WWOX: variants seen among roughly 807,000 people sequenced by gnomAD.
WWOX encodes the protein WW domain-containing oxidoreductase.
In WWOX, 69 loss-of-function variants were observed where a neutral mutation model predicts 46.2. The ratio of observed to expected loss-of-function variants is 1.49; its 90% CI spans 1.23 to 1.82. WWOX has a LOEUF of 1.82. WWOX is among the 40% of genes most tolerant of loss of function. The pLI, the probability that WWOX is intolerant of heterozygous loss-of-function variation, is 0.00. For synonymous variants in WWOX, 359 were observed against 202.6 expected, an observed-to-expected ratio of 1.77 and a Z score of -6.56; for missense variants, 919 against 542.6, an observed-to-expected ratio of 1.69 and a Z score of -6.89.
intron 8 of WWOX, among the ~76,000 whole-genome samples, chr16:78,987,407 G>C (rs538410143): frequency 6.6e-6 from 1 of 152,176 alleles, no homozygotes; most frequent in African/African-American, 2.4e-5. Flanking sequence ...TTTCAAGTTT[G>C]TTCATGCTGG....
intron 8 of WWOX, among the ~76,000 whole-genome samples, chr16:79,011,157 AC>A (rs1328427084): frequency 6.6e-6 from 1 of 151,434 alleles, no homozygotes; most frequent in African/African-American, 2.4e-5. Context: ...ACACACACAC[AC>A]ACACACACAC....
intron 8 of WWOX, among the ~76,000 whole-genome samples, chr16:78,649,584 C>T (rs115182516): frequency 0.014 from 2,114 of 152,280 alleles, 52 homozygotes; most frequent in African/African-American, 0.048. Flanking sequence ...GCTCTTCCCC[C>T]GTTTGTTAAT....
chr16:78,328,208 T>C (rs1264131393), intron 5 of WWOX, among the ~76,000 whole-genome samples: 1 of 151,558 alleles, frequency 6.6e-6, no homozygotes, highest in Non-Finnish European at 1.5e-5. Context: ...CCCTTACCTG[T>C]AACTCAAATT....
chr16:78,397,600 A>C (rs1407233753), intron 6 of WWOX, among the ~76,000 whole-genome samples: 1 of 152,210 alleles, frequency 6.6e-6, no homozygotes, highest in African/African-American at 2.4e-5. Flanking sequence ...CTCATTTGGG[A>C]AATATACCAT....
intron 8 of WWOX, among the ~76,000 whole-genome samples, chr16:78,646,721 G>A (rs925769996): frequency 5.3e-5 from 8 of 152,236 alleles, no homozygotes; most frequent in East Asian, 1.9e-4. Flanking sequence ...TGTGCCTGGC[G>A]TATATATTTT....
intron 8 of WWOX, among the ~76,000 whole-genome samples, chr16:78,731,209 A>G (rs1253470969): frequency 6.6e-6 from 1 of 152,128 alleles, no homozygotes; most frequent in Non-Finnish European, 1.5e-5. Flanking sequence ...TATCTGTATT[A>G]ATTAAAGACA....
At chr16:78,915,726 CCGT>C (rs1490891816) in intron 8 of WWOX, among the ~76,000 whole-genome samples, 1 of 152,140 alleles carries the variant, frequency 6.6e-6, no homozygotes, top group Non-Finnish European at 1.5e-5. Context: ...AGTTCTCATC[CCGT>C]CATCTGCCTT....
intron 4 of WWOX, among the ~76,000 whole-genome samples, chr16:78,117,948 G>A (rs538432010): frequency 8.5e-5 from 13 of 152,048 alleles, no homozygotes; most frequent in African/African-American, 2.9e-4. Flanking sequence ...TTTGAAAGTG[G>A]TGACTCCACA....
In WWOX at chr16:78,879,668, G is replaced by A. The variant is rs532143430; in HGVS notation, c.1057-331940G>A. ...CGAGGCAGGCGGATCACCTAAGGTC[G>A]GGAGTTCGAGACCAGTCTGATCAAC... On this transcript the variant is annotated intron_variant, in intron 8 of 8. Coordinates refer to ENST00000566780, the MANE Select transcript of WWOX (RefSeq NM_016373.4). Among the ~76,000 whole-genome samples the A allele has an allele frequency of 1.0e-3, 159 of 152,158 alleles. 1 individual carries two copies. Among genetic ancestry groups the A allele is most frequent in the African/African-American group, 3.6e-3 (151 of 41,534 alleles).
chr16:78,625,997 T>C (rs1343380538), intron 8 of WWOX, among the ~76,000 whole-genome samples: 1 of 151,756 alleles, frequency 6.6e-6, no homozygotes, highest in Non-Finnish European at 1.5e-5. Flanking sequence ...CTAATATTGT[T>C]ATTACTTTTT....
intron 8 of WWOX, among the ~76,000 whole-genome samples, chr16:78,629,431 C>G (rs1433770267): frequency 1.3e-5 from 2 of 152,128 alleles, no homozygotes; most frequent in African/African-American, 2.4e-5. Context: ...TCTTGAAATC[C>G]CTTCTTCAGG....
chr16:78,154,524 C>A (rs1197896138), intron 4 of WWOX, among the ~76,000 whole-genome samples: 1 of 85,344 alleles, frequency 1.2e-5, no homozygotes, highest in Non-Finnish European at 2.2e-5. Flanking sequence ...AAGCACCCTG[C>A]CTTTTTGCTT....
rs563378245 is a variant in WWOX at position 79,202,095 on chromosome 16, G to T, written c.1057-9513G>T. ...TAAAGTTTTATTGGAATACAGACACGTTCATTTGGGTAGACGTTGTCGATG... is the reference window on the plus strand; with the variant it reads ...TAAAGTTTTATTGGAATACAGACACTTTCATTTGGGTAGACGTTGTCGATG... On this transcript the variant is annotated intron_variant, in intron 8 of 8. Coordinates refer to ENST00000566780, the MANE Select transcript of WWOX (RefSeq NM_016373.4). Among the ~76,000 whole-genome samples the T allele has an allele frequency of 3.9e-5, 6 of 152,202 alleles. No homozygotes were observed. In the South Asian group the frequency reaches 1.2e-3, roughly 32 times the overall value.
chr16:78,124,073 C>G (rs2033250256), intron 4 of WWOX: 1 of 151,838 alleles, frequency 6.6e-6, no homozygotes, highest in Non-Finnish European at 1.5e-5. Context: ...GAAATTTGGC[C>G]CAGAAAGGAA....
intron 8 of WWOX, among the ~76,000 whole-genome samples, chr16:78,635,630 T>C (rs1270913853): frequency 2.6e-5 from 4 of 152,140 alleles, no homozygotes; most frequent in Non-Finnish European, 5.9e-5. Flanking sequence ...GTTGAGAGGA[T>C]GAAGTGCTAA....
At chr16:78,674,275 C>G (rs544610265) in intron 8 of WWOX, among the ~76,000 whole-genome samples, 1 of 123,650 alleles carries the variant, frequency 8.1e-6, no homozygotes, top group African/African-American at 2.9e-5. Context: ...CCAACCAGTT[C>G]ATCTTTTTTT....
intron 8 of WWOX, among the ~76,000 whole-genome samples, chr16:78,754,472 C>T (rs1183858370): frequency 1.3e-5 from 2 of 152,132 alleles, no homozygotes; most frequent in Admixed American, 6.5e-5. Context: ...TCTCTTAGTA[C>T]CTACCGCTTT....
At chr16:78,731,649 A>C (rs1233504241) in intron 8 of WWOX, among the ~76,000 whole-genome samples, 1 of 152,080 alleles carries the variant, frequency 6.6e-6, no homozygotes, top group Non-Finnish European at 1.5e-5. Flanking sequence ...TCAGCTTTGC[A>C]TTCAAGTACT....
At chr16:78,837,237 A>G (rs867044463) in intron 8 of WWOX, among the ~76,000 whole-genome samples, 14 of 152,202 alleles carry the variant, frequency 9.2e-5, no homozygotes, top group African/African-American at 3.1e-4. Flanking sequence ...TAAAAATGTC[A>G]CTTGCTCTTA....
Sources: allele counts gnomAD v4.1 joint callset (sites outside exome capture counted in the v4.1 genomes callset), GRCh38; gene constraint gnomAD v4.1.1; transcripts MANE v1.5; gene names NCBI Gene and HGNC (gene_info 2026-07-23, HGNC 2026-07-21).